Variants in AAMDC observed in about 807,000 individuals in gnomAD.
AAMDC encodes the protein adipogenesis associated Mth938 domain containing.
A neutral mutation model predicts 15.5 loss-of-function variants in AAMDC; 16 were observed. The ratio of observed to expected loss-of-function variants is 1.03; its 90% CI spans 0.70 to 1.57. AAMDC has a LOEUF of 1.57. AAMDC is among the 40% of genes most tolerant of loss of function. The pLI is 0.00. For missense variants in AAMDC, 141 were observed against 144.9 expected (o/e 0.97, Z 0.14); for synonymous variants, 51 against 51.6 (o/e 0.99, Z 0.05).
downstream of AAMDC, among the ~76,000 whole-genome samples, chr11:77,902,737 G>T (rs2136443250): frequency 6.6e-6 from 1 of 152,254 alleles, no homozygotes; most frequent in East Asian, 1.9e-4. Flanking sequence ...TCCCTATCTG[G>T]AAGACTTGAC....
chr11:77,832,995 G>A (rs376088597), intron 1 of AAMDC, among the ~76,000 whole-genome samples: 42,010 of 74,300 alleles, frequency 0.57, 12,685 homozygotes, highest in African/African-American at 0.73. Context: ...GTGTGTGTGT[G>A]TGTATATATA....
At chr11:77,876,767 G>A (rs1488922830), downstream of AAMDC, among the ~76,000 whole-genome samples, 2 of 152,114 alleles carry the variant, frequency 1.3e-5, no homozygotes, top group Non-Finnish European at 2.9e-5. Context: ...TTGTCCCTTA[G>A]GAGACAGACA....
chr11:77,869,552 A>AG, intron 2 of AAMDC, 170 bp from the exon 3 acceptor site: 1 of 558,664 alleles, frequency 1.8e-6, no homozygotes, highest in Middle Eastern at 3.2e-4. Context: ...CCTAGGTTCA[A>AG]GGGATCCTGC....
chr11:77,832,947 A>G (rs1008569934), intron 1 of AAMDC, among the ~76,000 whole-genome samples: 1 of 83,698 alleles, frequency 1.2e-5, no homozygotes. Flanking sequence ...TATTGTATAT[A>G]TATATGTGTG....
At chr11:77,898,836 A>G (rs1356297126) in intron 5 of AAMDC, among the ~76,000 whole-genome samples, 1 of 152,090 alleles carries the variant, frequency 6.6e-6, no homozygotes, top group Non-Finnish European at 1.5e-5. Flanking sequence ...CATGGCCAAC[A>G]TGGTAAAACC....
chr11:77,855,323 T>C (rs1950567976), intron 2 of AAMDC: 1 of 152,250 alleles, frequency 6.6e-6, no homozygotes, highest in Non-Finnish European at 1.5e-5. Flanking sequence ...TTTTGTTTTT[T>C]TCTTTTTTTG....
chr11:77,900,169 G>A (rs934958019), intron 5 of AAMDC, among the ~76,000 whole-genome samples: 2 of 151,388 alleles, frequency 1.3e-5, no homozygotes, highest in Non-Finnish European at 2.9e-5. Flanking sequence ...GTGTGATTTC[G>A]GCCCACTGCA....
At chr11:77,822,414 C>CAAAAA (rs66463325) in intron 1 of AAMDC, among the ~76,000 whole-genome samples, 33 of 74,698 alleles carry the variant, frequency 4.4e-4, no homozygotes, top group Middle Eastern at 7.6e-3. Context: ...GACTCCACCT[C>CAAAAA]AAAAAAAAAA....
At chr11:77,828,262 G>A (rs906718633) in intron 1 of AAMDC, among the ~76,000 whole-genome samples, 8 of 151,192 alleles carry the variant, frequency 5.3e-5, no homozygotes, top group South Asian at 2.1e-4. Context: ...GTGACAGAGC[G>A]CAACTCTGTC....
At chr11:77,824,716 G>C (rs1412311799) in intron 1 of AAMDC, among the ~76,000 whole-genome samples, 2 of 152,124 alleles carry the variant, frequency 1.3e-5, no homozygotes, top group African/African-American at 4.8e-5. Flanking sequence ...AGCTTGGAAG[G>C]GTATTGACTA....
intron 5 of AAMDC, among the ~76,000 whole-genome samples, chr11:77,900,100 CTTTTT>C (rs139576778): frequency 6.8e-6 from 1 of 147,458 alleles, no homozygotes; most frequent in African/African-American, 2.5e-5. Flanking sequence ...ATATGAATAT[CTTTTT>C]TTTTTTTATA....
At position 77,864,085 on chromosome 11, in the gene AAMDC, C is replaced by A. The variant is rs111857873; in HGVS notation, c.133-5637C>A. On this transcript the variant is annotated intron_variant, in intron 2 of 3. Transcript: ENST00000393427. ...GGGATTACAGGTGCCTGCTACCACA[C>A]CCAGCTAATTTTGGTATTTTTAGTA... Among the ~76,000 whole-genome samples the A allele has an allele frequency of 8.2e-3, 1,242 of 151,848 alleles. 13 individuals carry two copies. Among genetic ancestry groups the A allele is most frequent in the African/African-American group, 0.027 (1,102 of 41,428 alleles).
intron 5 of AAMDC, among the ~76,000 whole-genome samples, chr11:77,878,420 C>T (rs1951667552): frequency 6.6e-6 from 1 of 152,010 alleles, no homozygotes; most frequent in African/African-American, 2.4e-5. Flanking sequence ...GCTATTCAGT[C>T]CTTGGCCCAG....
Position 77,828,543 on chromosome 11 carries a change from C to T in AAMDC, c.-19+7302C>T, listed in dbSNP as rs553865284. ...AAAATTAGCCGGGTGGGGTAGTGGG[C>T]GCCTGTAGTCCCAGCTACTCGGGAG... On this transcript the variant is annotated intron_variant, in intron 1 of 3. Transcript: ENST00000393427. 2.8e-4 allele frequency among the ~76,000 whole-genome samples: 42 copies of T among 151,362 alleles called. No homozygotes were observed. The East Asian group carries it at 7.4e-3, about 27-fold the overall frequency.
At chr11:77,894,331 C>G in intron 5 of AAMDC, 1 of 1,564,956 alleles carries the variant, frequency 6.4e-7, no homozygotes, top group Non-Finnish European at 8.8e-7. Flanking sequence ...TTTCACACAT[C>G]CCAAATAAGG....
chr11:77,830,282 A>G (rs1359710753), intron 1 of AAMDC, among the ~76,000 whole-genome samples: 4 of 152,350 alleles, frequency 2.6e-5, no homozygotes, highest in South Asian at 2.1e-4. Context: ...TGGAGGCTAT[A>G]TGATCAAACA....
intron 2 of AAMDC, chr11:77,869,312 CTTTTTT>C: frequency 7.9e-6 from 1 of 125,796 alleles, no homozygotes; most frequent in Non-Finnish European, 1.6e-5. Flanking sequence ...ATCTCTTTTT[CTTTTTT>C]TTTTTTTTTT....
At chr11:77,904,703 T>G (rs910718007), downstream of AAMDC, among the ~76,000 whole-genome samples, 4 of 152,196 alleles carry the variant, frequency 2.6e-5, no homozygotes, top group African/African-American at 7.2e-5. Flanking sequence ...TTGACAGTTG[T>G]AGTCAGAAAG....
chr11:77,834,199 T>C (rs573237767), intron 1 of AAMDC, among the ~76,000 whole-genome samples: 1 of 152,270 alleles, frequency 6.6e-6, no homozygotes, highest in South Asian at 2.1e-4. Flanking sequence ...AAATTACATA[T>C]CAACAAATAC....
Sources: allele counts gnomAD v4.1 joint callset (sites outside exome capture counted in the v4.1 genomes callset), GRCh38; gene constraint gnomAD v4.1.1; transcripts MANE v1.5; gene names NCBI Gene and HGNC (gene_info 2026-07-23, HGNC 2026-07-21).